QRSL1: variants seen among roughly 807,000 people sequenced by gnomAD.
The protein encoded by QRSL1 is glutamyl-tRNA(Gln) amidotransferase subunit A, mitochondrial.
In QRSL1, 54 loss-of-function variants were observed where a neutral mutation model predicts 61.6. That is an observed-to-expected ratio of 0.88 (90% CI 0.70 to 1.10). The LOEUF (loss-of-function observed/expected upper bound fraction) is 1.10, where lower values mean the gene tolerates loss of function less well. Among genes scored for constraint, QRSL1 ranks in the 50% least tolerant of loss-of-function variants. The pLI is 0.00. For missense variants in QRSL1, 505 were observed against 622.6 expected (o/e 0.81, Z 2.01); for synonymous variants, 228 against 225.7 (o/e 1.01, Z -0.09).
At chr6:106,637,801 A>G (rs60992370) in intron 1 of QRSL1, among the ~76,000 whole-genome samples, 1 of 152,102 alleles carries the variant, frequency 6.6e-6, no homozygotes, top group African/African-American at 2.4e-5. Context: ...GGAACTGTAT[A>G]TGTGATTTAT....
Position 106,629,718 on chromosome 6 carries a change from G to A in QRSL1, c.24+13G>A, listed in dbSNP as rs1358212042. On this transcript the variant is annotated intron_variant, in intron 1 of 10. Transcript: ENST00000369046. ...GAGCCTCCGAGAAGTGAGTGGAATTGGCCCGCTGAGGCCCCCGGGAGGGCG... is the reference window on the plus strand; with the variant it reads ...GAGCCTCCGAGAAGTGAGTGGAATTAGCCCGCTGAGGCCCCCGGGAGGGCG... The A allele has an allele frequency of 6.2e-7, 1 of 1,601,376 alleles. No homozygotes were observed. Among genetic ancestry groups the A allele is most frequent in the South Asian group, 1.1e-5 (1 of 88,358 alleles).
At chr6:106,629,878 C>A (rs1422507157) in intron 1 of QRSL1, among the ~76,000 whole-genome samples, 173 bp downstream of exon 1, 2 of 152,182 alleles carry the variant, frequency 1.3e-5, no homozygotes. Flanking sequence ...CGTACCCATT[C>A]AGGAGTTAGG....
Position 106,655,715 on chromosome 6 carries a change from CT to C in QRSL1, c.1148del (p.Phe383SerfsTer3). On this transcript the variant is annotated frameshift_variant, in exon 9 of 11. Transcript: ENST00000369046. LOFTEE classifies it high-confidence loss of function. The part of the protein sequence containing the change: ...VVRGRILSGN[F>X]FLLKENYENY... ...TGAGAGGAAGAATTCTCTCAGGAAA[CT>C]TTTTCTTATTAAAAGAGTAAGACAA... 1 of 1,609,642 alleles carries C rather than the reference CT, an allele frequency of 6.2e-7. No individual in the cohort carries two copies. The highest frequency in any genetic ancestry group is 8.5e-7 in the Non-Finnish European group (1 of 1,176,540).
intron 3 of QRSL1, among the ~76,000 whole-genome samples, chr6:106,642,014 A>G (rs1777028262): frequency 6.6e-6 from 1 of 152,202 alleles, no homozygotes. Context: ...ATCACTATGA[A>G]TTGCTTAATT....
chr6:106,643,574 G>A (rs1365384904), intron 4 of QRSL1, among the ~76,000 whole-genome samples: 2 of 151,892 alleles, frequency 1.3e-5, no homozygotes, highest in Non-Finnish European at 2.9e-5. Context: ...CAGCTACTTG[G>A]GAGGCTGAGG....
At chr6:106,641,436 G>A (rs1393170446) in intron 3 of QRSL1, among the ~76,000 whole-genome samples, 2 of 152,162 alleles carry the variant, frequency 1.3e-5, no homozygotes, top group East Asian at 1.9e-4. Flanking sequence ...AACATCTACT[G>A]ACCAGTTATT....
chr6:106,652,522 T>C lies in QRSL1; in HGVS notation c.789T>C (p.Asn263=), dbSNP rs146630103. 394 of 1,614,238 alleles carry C rather than the reference T, an allele frequency of 2.4e-4. 2 individuals carry two copies. The African/African-American group carries it at 4.6e-3, about 19-fold the overall frequency. ...RDSTTVHEPI[N]KPFMLPSLAD... The stretch of plus-strand genomic sequence containing the variant: ...CTACCACAGTACATGAACCTATTAA[T>C]AAACCATTCATGCTTCCCAGTTTGG... The change falls in exon 7 of 11, where the codon AAT becomes AAC. Residue 263 remains asparagine (N), a synonymous_variant. Coordinates refer to ENST00000369046, the MANE Select transcript of QRSL1 (RefSeq NM_018292.5).
At chr6:106,651,963 GA>G (rs1777193188) in intron 5 of QRSL1, among the ~76,000 whole-genome samples, 1 of 151,982 alleles carries the variant, frequency 6.6e-6, no homozygotes, top group South Asian at 2.1e-4. Context: ...TCTCAACGGT[GA>G]AAAAAATGCA....
At chr6:106,641,812 C>G (rs1195027357) in intron 3 of QRSL1, among the ~76,000 whole-genome samples, 1 of 152,156 alleles carries the variant, frequency 6.6e-6, no homozygotes, top group Non-Finnish European at 1.5e-5. Flanking sequence ...TAGAGATTTA[C>G]TATTTCAAAA....
intron 4 of QRSL1, among the ~76,000 whole-genome samples, chr6:106,643,448 G>A (rs1229328612): frequency 1.3e-5 from 2 of 152,150 alleles, no homozygotes; most frequent in African/African-American, 2.4e-5. Flanking sequence ...GGGAGTCCGA[G>A]GCAGGTGGAT....
intron 4 of QRSL1, among the ~76,000 whole-genome samples, chr6:106,646,285 G>A (rs1208552873): frequency 1.3e-5 from 2 of 152,094 alleles, no homozygotes; most frequent in Non-Finnish European, 2.9e-5. Context: ...TGAAGTGGAC[G>A]TTATGTGCCT....
rs557837529 is a variant in QRSL1 at position 106,646,691 on chromosome 6, A to G, written c.381-2334A>G. ...GTATTAGTGACCTTGAATTAGTCAG[A>G]GTTCTTTTAGATAGGACACATGAAG... On this transcript the variant is annotated intron_variant, in intron 4 of 10. Transcript: ENST00000369046. Among the ~76,000 whole-genome samples, 90 of 152,144 alleles carry G rather than the reference A, an allele frequency of 5.9e-4. 1 individual carries two copies. Among genetic ancestry groups the G allele is most frequent in the Middle Eastern group, 3.4e-3 (1 of 294 alleles).
At chr6:106,654,226 T>A (rs942220894) in intron 7 of QRSL1, among the ~76,000 whole-genome samples, 8 of 152,116 alleles carry the variant, frequency 5.3e-5, no homozygotes, top group African/African-American at 1.9e-4. Flanking sequence ...TGTGGGTGCC[T>A]GTAGTCCCAG....
At chr6:106,664,239 C>A (rs979657485) in intron 10 of QRSL1, among the ~76,000 whole-genome samples, 1 of 152,172 alleles carries the variant, frequency 6.6e-6, no homozygotes, top group Admixed American at 6.6e-5. Context: ...ACAATCACCC[C>A]ACCTCTCTTT....
At chr6:106,650,108 C>T (rs12212676) in intron 5 of QRSL1, among the ~76,000 whole-genome samples, 51,371 of 151,798 alleles carry the variant, frequency 0.34, 9,280 homozygotes, top group Non-Finnish European at 0.41. Flanking sequence ...TATAGCATTG[C>T]ATTAATATTA....
chr6:106,647,542 G>C (rs1255776588), intron 4 of QRSL1, among the ~76,000 whole-genome samples: 2 of 110,938 alleles, frequency 1.8e-5, no homozygotes, highest in African/African-American at 6.8e-5. Context: ...CTGGGCAATA[G>C]AGCGAGACTG....
Position 106,640,899 on chromosome 6 carries a change from A to C in QRSL1, c.261A>C (p.Thr87=), listed in dbSNP as rs771455157. 2 of 1,613,434 alleles carry C rather than the reference A, an allele frequency of 1.2e-6. No individual in the cohort carries two copies. Among genetic ancestry groups the C allele is most frequent in the Admixed American group, 3.3e-5 (2 of 60,000 alleles). The change falls in exon 3 of 11, where the codon ACA becomes ACC. Residue 87 remains threonine, a synonymous_variant. Coordinates refer to ENST00000369046, the MANE Select transcript of QRSL1 (RefSeq NM_018292.5). ...DNFSTSGIET[T]CASNMLKGYI... is the part of the protein sequence containing the mutation. ...TCAGCACTTCTGGCATTGAGACAAC[A>C]TGTGCATCAAATATGCTGAAAGGTA...
chr6:106,639,707 T>C (rs1776987610), intron 1 of QRSL1, among the ~76,000 whole-genome samples: 1 of 152,174 alleles, frequency 6.6e-6, no homozygotes, highest in South Asian at 2.1e-4. Context: ...TTCCTGTCAA[T>C]ATACACTGGT....
At chr6:106,630,211 G>A (rs775630736) in intron 1 of QRSL1, among the ~76,000 whole-genome samples, 1 of 152,174 alleles carries the variant, frequency 6.6e-6, no homozygotes, top group African/African-American at 2.4e-5. Context: ...TGGACGTCGT[G>A]TTTGAATTCT....
Sources: allele counts gnomAD v4.1 joint callset (sites outside exome capture counted in the v4.1 genomes callset), GRCh38; gene constraint gnomAD v4.1.1; transcripts MANE v1.5; gene names NCBI Gene and HGNC (gene_info 2026-07-23, HGNC 2026-07-21).